The following FARS2 variants were observed in gnomAD, a reference collection of about 807,000 sequenced individuals.
FARS2 encodes phenylalanine--tRNA ligase, mitochondrial.
FARS2 carries 40 observed loss-of-function variants against 46.4 expected under a neutral mutation model. That is an observed-to-expected ratio of 0.86 (90% confidence interval 0.67 to 1.12). FARS2 has a LOEUF of 1.12. Among genes scored for constraint, FARS2 ranks in the 50% most tolerant of loss-of-function variants. The probability of loss-of-function intolerance (pLI) is 0.00; values close to 1 mark genes in which losing one functional copy is unlikely to be tolerated. For synonymous variants in FARS2, 234 were observed against 214.9 expected (o/e 1.09, Z -0.78); for missense variants, 513 against 567.9 (o/e 0.90, Z 0.98).
intron 1 of FARS2, among the ~76,000 whole-genome samples, chr6:5,364,964 A>T (rs897604825): frequency 6.6e-6 from 1 of 151,942 alleles, no homozygotes; most frequent in Admixed American, 6.6e-5. Context: ...CAGGAGGATC[A>T]CTTGAGTCTG....
At chr6:5,444,126 T>TGTGTG (rs70975908) in intron 4 of FARS2, among the ~76,000 whole-genome samples, 1 of 147,870 alleles carries the variant, frequency 6.8e-6, no homozygotes, top group African/African-American at 2.6e-5. Context: ...TGTGTGTGTG[T>TGTGTG]ATGTGTGCAT....
At chr6:5,259,678 A>G (rs965615107), upstream of FARS2, among the ~76,000 whole-genome samples, 2 of 152,338 alleles carry the variant, frequency 1.3e-5, no homozygotes, top group South Asian at 2.1e-4. Flanking sequence ...CTCTTATGAC[A>G]TCCAATCCAC....
chr6:5,672,829 C>T (rs1044659374), intron 6 of FARS2, among the ~76,000 whole-genome samples: 1 of 152,110 alleles, frequency 6.6e-6, no homozygotes, highest in African/African-American at 2.4e-5. Context: ...CTGTTCTTTC[C>T]CTGGAGTTTG....
chr6:5,315,446 A>G (rs1317662286), intron 1 of FARS2, among the ~76,000 whole-genome samples: 1 of 152,232 alleles, frequency 6.6e-6, no homozygotes, highest in African/African-American at 2.4e-5. Context: ...ATGTAATTCT[A>G]AAGTCATAAA....
chr6:5,763,011 A>C (rs937272691), intron 6 of FARS2, among the ~76,000 whole-genome samples: 1 of 152,170 alleles, frequency 6.6e-6, no homozygotes, highest in Admixed American at 6.5e-5. Context: ...TATTTGCGAA[A>C]TAACAAAGGG....
At chr6:5,654,597 G>T (rs78292206) in intron 6 of FARS2, among the ~76,000 whole-genome samples, 1,974 of 152,226 alleles carry the variant, frequency 0.013, 56 homozygotes, top group African/African-American at 0.045. Context: ...TTCAAGGGTG[G>T]ATTCCAGGCC....
chr6:5,757,029 C>T (rs181290426), intron 6 of FARS2, among the ~76,000 whole-genome samples: 5 of 152,276 alleles, frequency 3.3e-5, no homozygotes, highest in Admixed American at 3.3e-4. Flanking sequence ...GTAATTGAAG[C>T]CTCTTGACAT....
At chr6:5,581,046 C>T (rs980091889) in intron 5 of FARS2, among the ~76,000 whole-genome samples, 24 of 152,200 alleles carry the variant, frequency 1.6e-4, no homozygotes, top group African/African-American at 4.6e-4. Flanking sequence ...AGGAAGCTGA[C>T]GAGGCCCATG....
intron 5 of FARS2, among the ~76,000 whole-genome samples, chr6:5,597,201 A>G (rs1317456271): frequency 6.6e-6 from 1 of 152,142 alleles, no homozygotes; most frequent in African/African-American, 2.4e-5. Flanking sequence ...AAACTTGTAA[A>G]TATTCACCCA....
intron 1 of FARS2, among the ~76,000 whole-genome samples, chr6:5,276,953 C>T (rs1038847136): frequency 1.3e-5 from 2 of 152,202 alleles, no homozygotes; most frequent in African/African-American, 4.8e-5. Flanking sequence ...TCCACCTATT[C>T]CTCCTCAGTG....
At chr6:5,575,438 A>G (rs528788463) in intron 5 of FARS2, among the ~76,000 whole-genome samples, 1 of 152,310 alleles carries the variant, frequency 6.6e-6, no homozygotes, top group Non-Finnish European at 1.5e-5. Flanking sequence ...TCTTCCACCC[A>G]ATATTTGAGA....
At chr6:5,458,473 A>G (rs1765040141) in intron 4 of FARS2, among the ~76,000 whole-genome samples, 1 of 152,202 alleles carries the variant, frequency 6.6e-6, no homozygotes, top group Non-Finnish European at 1.5e-5. Flanking sequence ...ACAAATGGGA[A>G]GAGCAGGAGG....
intron 1 of FARS2, among the ~76,000 whole-genome samples, chr6:5,291,897 C>T (rs1767531783): frequency 1.3e-5 from 2 of 152,106 alleles, no homozygotes; most frequent in Non-Finnish European, 2.9e-5. Flanking sequence ...TATTTTATTA[C>T]TCCAAAGAGT....
Position 5,261,585 on chromosome 6 carries a change from G to T in FARS2, c.-97G>T, listed in dbSNP as rs1472345726. On this transcript the variant is annotated 5_prime_UTR_variant, in exon 1 of 7. Coordinates refer to ENST00000274680, the MANE Select transcript of FARS2 (RefSeq NM_006567.5). ...TCTGAAGTTGGGGTTTAAGATTCTT[G>T]CCCGTGAGAGCGAACGAGCCTGCCG... 3.3e-5 allele frequency: 5 copies of T among 152,352 alleles called. No homozygotes were observed. Among genetic ancestry groups the T allele is most frequent in the Admixed American group, 3.3e-4 (5 of 15,292 alleles). The allele number at this position is 152,352 out of a possible 1,614,324, so 9.4% of individuals were successfully genotyped here. A position where few individuals can be genotyped will look rare whatever the true frequency, so the allele number is the denominator to read the frequency against.
At chr6:5,744,345 G>A (rs1761522766) in intron 6 of FARS2, among the ~76,000 whole-genome samples, 1 of 152,196 alleles carries the variant, frequency 6.6e-6, no homozygotes, top group South Asian at 2.1e-4. Context: ...AAGCTGTTTG[G>A]ATTGGAAATT....
At chr6:5,290,222 T>G (rs1767407455) in intron 1 of FARS2, among the ~76,000 whole-genome samples, 1 of 152,208 alleles carries the variant, frequency 6.6e-6, no homozygotes, top group Non-Finnish European at 1.5e-5. Flanking sequence ...TTGTACCGAC[T>G]ACTATGGCAA....
chr6:5,602,328 G>T (rs1774568517), intron 5 of FARS2, among the ~76,000 whole-genome samples: 1 of 152,124 alleles, frequency 6.6e-6, no homozygotes, highest in African/African-American at 2.4e-5. Flanking sequence ...GGGAGCTGAA[G>T]AATTTTTATT....
chr6:5,728,373 T>C (rs1446647213), intron 6 of FARS2, among the ~76,000 whole-genome samples: 1 of 152,144 alleles, frequency 6.6e-6, no homozygotes, highest in Non-Finnish European at 1.5e-5. Flanking sequence ...AGCTTTATTG[T>C]TTTTGTTTTT....
Position 5,709,757 on chromosome 6 carries a change from T to C in FARS2, c.1218-61534T>C, listed in dbSNP as rs111292398. On this transcript the variant is annotated intron_variant, in intron 6 of 6. Transcript: ENST00000274680. ...GTGTGTGTGTGTGTGCGCGCGCGCG[T>C]GTGTGTGTGTGAGATTCTGATGTAG... Among the ~76,000 whole-genome samples, 960 of 147,976 alleles carry C rather than the reference T, an allele frequency of 6.5e-3. 14 individuals carry two copies. Among genetic ancestry groups the C allele is most frequent in the African/African-American group, 0.022 (855 of 39,552 alleles).
Sources: allele counts gnomAD v4.1 joint callset (sites outside exome capture counted in the v4.1 genomes callset), GRCh38; gene constraint gnomAD v4.1.1; transcripts MANE v1.5; gene names NCBI Gene and HGNC (gene_info 2026-07-23, HGNC 2026-07-21).